The following CHD6 variants were observed in gnomAD, a reference collection of about 807,000 sequenced individuals.
The protein encoded by CHD6 is ATP-dependent chromatin remodeler CHD6.
A neutral mutation model predicts 276.9 loss-of-function variants in CHD6; 50 were observed. That is an observed-to-expected ratio of 0.18 (90% CI 0.14 to 0.23). The LOEUF (loss-of-function observed/expected upper bound fraction) is 0.23. Among genes scored for constraint, CHD6 ranks in the 10% least tolerant of loss-of-function variants. The probability of loss-of-function intolerance (pLI) is 1.00; values close to 1 mark genes in which losing one functional copy is unlikely to be tolerated. For synonymous variants in CHD6, 1,173 were observed against 1,229.3 expected, an observed-to-expected ratio of 0.95 and a Z score of 0.96; for missense variants, 2,564 against 3,365.8, an observed-to-expected ratio of 0.76 and a Z score of 5.89.
intron 3 of CHD6, among the ~76,000 whole-genome samples, chr20:41,529,077 C>T (rs2044615864): frequency 6.6e-6 from 1 of 152,192 alleles, no homozygotes; most frequent in Non-Finnish European, 1.5e-5. Flanking sequence ...GTCGGTTTTA[C>T]AGTCAGGTGA....
chr20:41,594,839 A>G (rs747682088), intron 1 of CHD6, among the ~76,000 whole-genome samples: 6 of 152,192 alleles, frequency 3.9e-5, no homozygotes, highest in Non-Finnish European at 8.8e-5. Flanking sequence ...ACTCCACCCA[A>G]TGGGGGAAAG....
In CHD6 at chr20:41,405,166, C is replaced by T. The variant is rs749643927; in HGVS notation, c.7575G>A (p.Met2525Ile). 6.2e-7 allele frequency: 1 copy of T among 1,614,200 alleles called. No homozygotes were observed. The highest frequency in any genetic ancestry group is 2.2e-5 in the East Asian group (1 of 44,872). ...CACCAAACATCTGGGGCACAGCAGC[C>T]ATGCCTGGCAGCATCATGGGCAGCA... ...LSMLPMMLPG[M>I]AAVPQMFGVG... The change falls in exon 37 of 37, where the codon ATG becomes ATA. Residue 2525 changes from methionine (M) to isoleucine (I), a missense_variant. Met to Ile is a conservative substitution (Grantham distance 10). Transcript: ENST00000373233.
chr20:41,423,740 C>CT (rs1035965162), intron 29 of CHD6, 40 bp from the exon 30 acceptor site: 13 of 1,541,718 alleles, frequency 8.4e-6, no homozygotes, highest in Admixed American at 1.7e-5. Flanking sequence ...GCTCTTTCTT[C>CT]TTTTTTTAAA....
chr20:41,575,493 C>G lies in CHD6; in HGVS notation c.-23-24133G>C, dbSNP rs187440565. 3.3e-5 allele frequency among the ~76,000 whole-genome samples: 5 copies of G among 152,230 alleles called. No homozygotes were observed. In the East Asian group the frequency reaches 9.7e-4, roughly 29 times the overall value. The stretch of plus-strand genomic sequence containing the variant: ...CATGTCATAAATACCAAGTGAATAC[C>G]AACTGGCTGCAACTGCATACTTAAG... On this transcript the variant is annotated intron_variant, in intron 1 of 36. Transcript: ENST00000373233.
At chr20:41,550,189 G>A (rs936588056) in intron 2 of CHD6, among the ~76,000 whole-genome samples, 5 of 152,144 alleles carry the variant, frequency 3.3e-5, no homozygotes, top group African/African-American at 4.8e-5. Context: ...GGATGTGTAC[G>A]TTCTTTTCCA....
At chr20:41,495,444 C>G (rs2043660633) in intron 8 of CHD6, among the ~76,000 whole-genome samples, 1 of 151,860 alleles carries the variant, frequency 6.6e-6, no homozygotes, top group African/African-American at 2.4e-5. Flanking sequence ...TGGTGGTTGC[C>G]AGGGATGAAG....
chr20:41,485,965 TTTAAAA>T (rs1161864882), intron 14 of CHD6: 3 of 152,168 alleles, frequency 2.0e-5, no homozygotes, highest in South Asian at 2.1e-4. Context: ...AGCCAAAAAA[TTTAAAA>T]TTAAATTGTT....
chr20:41,405,941 G>C (rs1474003934), intron 36 of CHD6, among the ~76,000 whole-genome samples: 1 of 152,160 alleles, frequency 6.6e-6, no homozygotes, highest in Non-Finnish European at 1.5e-5. Context: ...GTAAGACAGG[G>C]TTTTAATCCC....
intron 2 of CHD6, among the ~76,000 whole-genome samples, chr20:41,542,185 T>G (rs759010553): frequency 2.0e-4 from 30 of 152,228 alleles, no homozygotes; most frequent in Non-Finnish European, 3.1e-4. Context: ...AGGAGATACA[T>G]CTTTTAGAAT....
In CHD6 at chr20:41,489,824, C is replaced by T. The variant is rs1469871047; in HGVS notation, c.1634G>A (p.Ser545Asn). Reference protein sequence around the residue: ...NAIVYHGSQISRQMIQQYEMV... With the variant: ...NAIVYHGSQINRQMIQQYEMV... ...TTCATACTGCTGGATCATCTGCCTG[C>T]TGATCTGGCTGCCGTGGTACACAAT... Residue 545 changes from serine to asparagine, a missense_variant, in exon 12 of 37, where the codon AGC (serine) becomes AAC (asparagine). Physicochemically the swap from Ser to Asn is conservative, Grantham distance 46. This residue lies in a region of CHD6 where 457 missense variants were observed against 889.0 expected (regional missense o/e 0.51). Coordinates refer to ENST00000373233, the MANE Select transcript of CHD6 (RefSeq NM_032221.5). 1 of 1,613,894 alleles carries T rather than the reference C, an allele frequency of 6.2e-7. No homozygotes were observed. Among genetic ancestry groups the T allele is most frequent in the Non-Finnish European group, 8.5e-7 (1 of 1,179,932 alleles).
At chr20:41,446,365 T>A (rs375131690) in intron 24 of CHD6, among the ~76,000 whole-genome samples, 7 of 152,144 alleles carry the variant, frequency 4.6e-5, no homozygotes, top group Admixed American at 4.6e-4. Flanking sequence ...AAAAACTGCA[T>A]TGTTCCTGGC....
intron 27 of CHD6, among the ~76,000 whole-genome samples, chr20:41,434,533 G>A (rs765589417): frequency 2.0e-5 from 3 of 152,176 alleles, no homozygotes; most frequent in East Asian, 1.9e-4. Context: ...ACCACGCCTG[G>A]CTAATTTTGT....
chr20:41,577,170 C>G (rs533311765), intron 1 of CHD6, among the ~76,000 whole-genome samples: 132 of 152,282 alleles, frequency 8.7e-4, no homozygotes, highest in African/African-American at 3.0e-3. Context: ...GAGAGAGTCT[C>G]TATAGTATCT....
chr20:41,490,699 G>A (rs938518990), intron 11 of CHD6, among the ~76,000 whole-genome samples: 3 of 152,114 alleles, frequency 2.0e-5, no homozygotes, highest in Admixed American at 2.0e-4. Context: ...TGTAATCCCA[G>A]CTACTAGGGA....
intron 1 of CHD6, among the ~76,000 whole-genome samples, chr20:41,603,402 A>C: frequency 6.6e-6 from 1 of 152,210 alleles, no homozygotes; most frequent in East Asian, 1.9e-4. Flanking sequence ...TGTGTGTACT[A>C]GGCACAATAT....
At chr20:41,498,797 GTA>G (rs1280627988) in intron 6 of CHD6, among the ~76,000 whole-genome samples, 4 of 83,676 alleles carry the variant, frequency 4.8e-5, no homozygotes, top group African/African-American at 2.9e-4. Flanking sequence ...ATGTATGTAT[GTA>G]TGTATGTATG....
intron 1 of CHD6, among the ~76,000 whole-genome samples, chr20:41,604,989 T>C (rs541595196): frequency 6.6e-6 from 1 of 152,234 alleles, no homozygotes; most frequent in South Asian, 2.1e-4. Flanking sequence ...GGACTGCATA[T>C]TGGGTTTTAC....
Position 41,405,094 on chromosome 20 carries a change from A to G in CHD6, c.7647T>C (p.Thr2549=), listed in dbSNP as rs1258138643. 1.2e-6 allele frequency: 2 copies of G among 1,614,240 alleles called. No individual in the cohort carries two copies. Among genetic ancestry groups the G allele is most frequent in the African/African-American group, 1.3e-5 (1 of 75,064 alleles). The part of the protein sequence containing the change: ...SPPMATTCTS[T]APASLSSTTK... ...TTGTGCTTGATAGAGACGCCGGAGCAGTGGAAGTGCAGGTGGTTGCCATGG... is the reference window on the plus strand; with the variant it reads ...TTGTGCTTGATAGAGACGCCGGAGCGGTGGAAGTGCAGGTGGTTGCCATGG... Residue 2549 remains threonine, a synonymous_variant, in exon 37 of 37, where the codon ACT becomes ACC. Coordinates refer to ENST00000373233, the MANE Select transcript of CHD6 (RefSeq NM_032221.5).
chr20:41,431,776 C>CTTTTTTTTTT lies in CHD6; in HGVS notation c.4068+5488_4068+5497dup, dbSNP rs61227802. On this transcript the variant is annotated intron_variant, in intron 27 of 36. Transcript: ENST00000373233. ...AGGAATGACATGATGAAAAAACATG[C>CTTTTTTTTTT]TTTTTTTTTTTTTTTGCTTCATATA... Among the ~76,000 whole-genome samples, 221 of 104,722 alleles carry CTTTTTTTTTT rather than the reference C, an allele frequency of 2.1e-3. 3 individuals are homozygous for CTTTTTTTTTT. The highest frequency in any genetic ancestry group is 0.015 in the Middle Eastern group (3 of 200). The allele number at this position is 104,722 out of a possible 152,430, so 68.7% of individuals were successfully genotyped here.
Sources: gnomAD v4.1 joint callset for allele counts (sites outside exome capture counted in the v4.1 genomes callset) on GRCh38, gnomAD v4.1.1 for gene constraint, gnomAD v4.1.1 regional missense constraint, MANE v1.5 for transcripts, NCBI Gene and HGNC (gene_info 2026-07-23, HGNC 2026-07-21) for gene names.